The following PCDHA11 variants were observed in gnomAD, a reference collection of about 807,000 sequenced individuals.
The protein encoded by PCDHA11 is protocadherin alpha-11.
PCDHA11 carries 61 observed loss-of-function variants against 70.3 expected under a neutral mutation model. The observed-to-expected ratio is 0.87, with a 90% CI of 0.71 to 1.07. The LOEUF is 1.07. Among genes scored for constraint, PCDHA11 ranks in the 50% least tolerant of loss-of-function variants. PCDHA11 has a pLI of 0.00. For missense variants in PCDHA11, 1,324 were observed against 1,237.5 expected (o/e 1.07, Z -1.05); for synonymous variants, 633 against 555.1 (o/e 1.14, Z -1.97).
chr5:140,969,129 C>G (rs576180714), intron 1 of PCDHA11: 4 of 1,614,144 alleles, frequency 2.5e-6, no homozygotes, highest in Admixed American at 1.7e-5. Context: ...GGCTCCCTCA[C>G]CAAGACCTAC....
intron 1 of PCDHA11, among the ~76,000 whole-genome samples, chr5:140,901,864 C>G (rs782513656): frequency 4.6e-4 from 70 of 152,126 alleles, no homozygotes; most frequent in Non-Finnish European, 5.7e-4. Flanking sequence ...TTTGTGTCCT[C>G]TTCAATTTCT....
At chr5:140,929,153 A>T in intron 1 of PCDHA11, 1 of 1,614,164 alleles carries the variant, frequency 6.2e-7, no homozygotes, top group African/African-American at 1.3e-5. Context: ...TCTCAGACTT[A>T]TCTCTATCGG....
At chr5:140,968,539 C>T (rs781815829) in intron 1 of PCDHA11, 30 of 1,614,078 alleles carry the variant, frequency 1.9e-5, no homozygotes, top group East Asian at 6.7e-5. Context: ...CAGCAGCCTT[C>T]GAGATGGTGC....
chr5:140,885,290 A>G (rs1344746797), intron 1 of PCDHA11, among the ~76,000 whole-genome samples: 2 of 152,190 alleles, frequency 1.3e-5, no homozygotes, highest in African/African-American at 4.8e-5. Context: ...ATATATAGAG[A>G]GAGACCTGGT....
chr5:140,958,159 A>T (rs782390357), intron 1 of PCDHA11, among the ~76,000 whole-genome samples: 35 of 152,134 alleles, frequency 2.3e-4, no homozygotes, highest in Non-Finnish European at 4.3e-4. Flanking sequence ...CATAGTCAAA[A>T]GCCTGGAGTG....
chr5:140,871,316 TGGTGTGCTCCCGCGC>T lies in PCDHA11; in HGVS notation c.2218_2232del (p.Cys740_Val744del). 1 of 1,614,034 alleles carries T rather than the reference TGGTGTGCTCCCGCGC, an allele frequency of 6.2e-7. No individual in the cohort carries two copies. The highest frequency in any genetic ancestry group is 8.5e-7 in the Non-Finnish European group (1 of 1,180,020). On this transcript the variant is annotated inframe_deletion, in exon 1 of 4. Coordinates refer to ENST00000398640, the MANE Select transcript of PCDHA11 (RefSeq NM_018902.5). ...GCGTGCGCGCCGGGGAAGCCCACGC[TGGTGTGCTCCCGCGC>T]GGTGGGGAGCTGGTCATACTCGCAG...
At chr5:140,954,889 G>C (rs2095106564) in intron 1 of PCDHA11, among the ~76,000 whole-genome samples, 1 of 152,070 alleles carries the variant, frequency 6.6e-6, no homozygotes, top group East Asian at 1.9e-4. Flanking sequence ...TTCTTCTAGG[G>C]TTTTTATAGT....
chr5:140,920,039 G>A (rs185914290), intron 1 of PCDHA11, among the ~76,000 whole-genome samples: 1 of 152,280 alleles, frequency 6.6e-6, no homozygotes, highest in Non-Finnish European at 1.5e-5. Flanking sequence ...TTGGAGTGAT[G>A]TCAACAGCCA....
chr5:140,884,057 G>A (rs141156800), intron 1 of PCDHA11: 6 of 1,613,540 alleles, frequency 3.7e-6, no homozygotes, highest in Non-Finnish European at 5.1e-6. Context: ...GGTGCGCGCG[G>A]TGGACGCCGA....
chr5:140,946,156 T>G (rs138161459), intron 1 of PCDHA11, among the ~76,000 whole-genome samples: 1 of 151,944 alleles, frequency 6.6e-6, no homozygotes, highest in Non-Finnish European at 1.5e-5. Flanking sequence ...TAACACGATT[T>G]AAAAGATGGG....
At chr5:140,979,120 T>A in intron 2 of PCDHA11, 113 bp downstream of exon 2, 1 of 1,497,648 alleles carries the variant, frequency 6.7e-7, no homozygotes, top group Non-Finnish European at 8.9e-7. Flanking sequence ...CTTTAGGTAC[T>A]TTGCCAGGAA....
chr5:141,002,099 GC>G (rs1399073427), intron 3 of PCDHA11, among the ~76,000 whole-genome samples: 9 of 152,362 alleles, frequency 5.9e-5, no homozygotes, highest in Non-Finnish European at 1.2e-4. Flanking sequence ...CAGGGGCTGG[GC>G]CGGAAACGGC....
At chr5:140,896,551 A>G (rs1474890462) in intron 1 of PCDHA11, among the ~76,000 whole-genome samples, 1 of 139,892 alleles carries the variant, frequency 7.1e-6, no homozygotes, top group African/African-American at 2.6e-5. Context: ...TTTTTTTTGT[A>G]TTTTAAGTAG....
chr5:141,002,656 C>T lies in PCDHA11; in HGVS notation c.2540-6971C>T, dbSNP rs115710244. Among the ~76,000 whole-genome samples the T allele has an allele frequency of 3.7e-3, 571 of 152,302 alleles. 5 individuals are homozygous for T. The highest frequency in any genetic ancestry group is 0.013 in the African/African-American group (539 of 41,574). On this transcript the variant is annotated intron_variant, in intron 3 of 3. Coordinates refer to ENST00000398640, the MANE Select transcript of PCDHA11 (RefSeq NM_018902.5). The stretch of plus-strand genomic sequence containing the variant: ...CTAGAAATGTCTACTTCATAGGGCT[C>T]TTGTCAGGACCAAAACCTATACGAC...
intron 1 of PCDHA11, among the ~76,000 whole-genome samples, chr5:140,900,333 C>T (rs10071692): frequency 3.3e-5 from 5 of 151,856 alleles, no homozygotes; most frequent in Admixed American, 6.6e-5. Flanking sequence ...GCTGGAGTAC[C>T]GTGGCGCAAT....
intron 3 of PCDHA11, among the ~76,000 whole-genome samples, chr5:141,007,174 G>A (rs926344346): frequency 6.6e-6 from 1 of 152,118 alleles, no homozygotes; most frequent in African/African-American, 2.4e-5. Context: ...AGAGAGAAAG[G>A]TCAGGAGAAT....
chr5:141,003,724 A>C (rs575036478), intron 3 of PCDHA11, among the ~76,000 whole-genome samples: 2 of 151,950 alleles, frequency 1.3e-5, no homozygotes, highest in African/African-American at 4.8e-5. Flanking sequence ...CGGCTAATCC[A>C]ATAAAAAAGC....
intron 3 of PCDHA11, among the ~76,000 whole-genome samples, chr5:140,997,899 G>T (rs2097789789): frequency 6.6e-6 from 1 of 152,126 alleles, no homozygotes; most frequent in Non-Finnish European, 1.5e-5. Context: ...TAAATTTCAA[G>T]AAGTAGAATT....
chr5:140,886,463 GT>G (rs1387154249), intron 1 of PCDHA11, among the ~76,000 whole-genome samples: 5 of 152,042 alleles, frequency 3.3e-5, no homozygotes, highest in East Asian at 1.9e-4. Flanking sequence ...ATATATAAAT[GT>G]TTTTAAAATG....
Sources: allele counts gnomAD v4.1 joint callset (sites outside exome capture counted in the v4.1 genomes callset), GRCh38; gene constraint gnomAD v4.1.1; transcripts MANE v1.5; gene names NCBI Gene and HGNC (gene_info 2026-07-23, HGNC 2026-07-21).